SLC35F4: variants seen among roughly 807,000 people sequenced by gnomAD.
The protein encoded by SLC35F4 is chromosome 14 open reading frame 36.
A neutral mutation model predicts 44.2 loss-of-function variants in SLC35F4; 24 were observed. The ratio of observed to expected loss-of-function variants is 0.54; its 90% confidence interval spans 0.39 to 0.76. SLC35F4 has a LOEUF of 0.76. Ranked by LOEUF, SLC35F4 falls within the 30% of genes least tolerant of loss-of-function variation. The pLI is 0.00. For synonymous variants in SLC35F4, 238 were observed against 223.6 expected, an observed-to-expected ratio of 1.06 and a Z score of -0.57; for missense variants, 562 against 586.1, an observed-to-expected ratio of 0.96 and a Z score of 0.42.
intron 1 of SLC35F4, among the ~76,000 whole-genome samples, chr14:57,844,857 C>T (rs1381521752): frequency 6.6e-6 from 1 of 152,140 alleles, no homozygotes; most frequent in African/African-American, 2.4e-5. Context: ...AGATTCCAGA[C>T]ACCAACTGGA....
At chr14:57,865,241 GCGCCGGGACCCACGTC>G (rs1888040832) in intron 1 of SLC35F4, among the ~76,000 whole-genome samples, 1 of 152,106 alleles carries the variant, frequency 6.6e-6, no homozygotes, top group South Asian at 2.1e-4. Context: ...GACCCCACCA[GCGCCGGGACCCACGTC>G]TGGGTCGGCC....
At chr14:57,643,915 G>C (rs2073366356) in intron 1 of SLC35F4, among the ~76,000 whole-genome samples, 1 of 152,058 alleles carries the variant, frequency 6.6e-6, no homozygotes, top group Non-Finnish European at 1.5e-5. Context: ...ATGGTTTCCA[G>C]CTTCATCCAT....
At chr14:57,712,402 CA>C (rs1238009157) in intron 1 of SLC35F4, among the ~76,000 whole-genome samples, 1 of 152,218 alleles carries the variant, frequency 6.6e-6, no homozygotes, top group African/African-American at 2.4e-5. Context: ...TCATGATTAA[CA>C]GGGAAATATC....
intron 1 of SLC35F4, among the ~76,000 whole-genome samples, chr14:57,626,154 T>C (rs571560574): frequency 1.5e-4 from 22 of 145,340 alleles, no homozygotes; most frequent in African/African-American, 4.8e-4. Context: ...GGGGAACATC[T>C]CACACTGGGA....
intron 1 of SLC35F4, among the ~76,000 whole-genome samples, chr14:57,838,483 T>C (rs1215115995): frequency 6.6e-6 from 1 of 152,228 alleles, no homozygotes; most frequent in Non-Finnish European, 1.5e-5. Flanking sequence ...GTCAAATCAT[T>C]TTTTCCCAAA....
At chr14:57,813,552 T>A (rs1208420809) in intron 1 of SLC35F4, among the ~76,000 whole-genome samples, 1 of 152,000 alleles carries the variant, frequency 6.6e-6, no homozygotes, top group African/African-American at 2.4e-5. Flanking sequence ...TGAGACTGTC[T>A]CAAAAAAATA....
intron 1 of SLC35F4, among the ~76,000 whole-genome samples, chr14:57,637,467 G>A (rs760485908): frequency 1.4e-4 from 22 of 152,080 alleles, no homozygotes; most frequent in Non-Finnish European, 3.2e-4. Context: ...CTGGCCCTGT[G>A]GTGGCGAAGG....
Position 57,865,708 on chromosome 14 carries a change from C to T in SLC35F4, c.103+15G>A. 2.6e-6 allele frequency: 4 copies of T among 1,512,892 alleles called. No homozygotes were observed. Among genetic ancestry groups the T allele is most frequent in the Non-Finnish European group, 3.5e-6 (4 of 1,136,214 alleles). The allele number at this position is 1,512,892 out of a possible 1,614,324, so 93.7% of individuals were successfully genotyped here. A position where few individuals can be genotyped will look rare whatever the true frequency, so the allele number is the denominator to read the frequency against. Reference sequence around the variant, plus strand: ...CCTTCCCCGCCTCGCGCAGGGCAGCCGCGCGGCGTCTTACTTTTCTGGCTG... The same window carrying T: ...CCTTCCCCGCCTCGCGCAGGGCAGCTGCGCGGCGTCTTACTTTTCTGGCTG... On this transcript the variant is annotated intron_variant, in intron 1 of 7. Transcript: ENST00000556826.
chr14:57,944,212 A>G (rs1889967494), intron 1 of SLC35F4, among the ~76,000 whole-genome samples: 1 of 152,188 alleles, frequency 6.6e-6, no homozygotes, highest in African/African-American at 2.4e-5. Flanking sequence ...TTCTATTCCT[A>G]CTTATCCAAT....
At chr14:57,864,257 A>C (rs930322586) in intron 1 of SLC35F4, among the ~76,000 whole-genome samples, 1 of 152,234 alleles carries the variant, frequency 6.6e-6, no homozygotes. Flanking sequence ...TCCAGGGTTA[A>C]AAAAGAAATC....
chr14:57,801,068 C>A (rs894831309), intron 1 of SLC35F4, among the ~76,000 whole-genome samples: 1 of 152,126 alleles, frequency 6.6e-6, no homozygotes, highest in Non-Finnish European at 1.5e-5. Flanking sequence ...ACATAATCAT[C>A]AGATTCTCCA....
rs2076835740 is a variant in SLC35F4 at position 57,749,578 on chromosome 14, G to A, written c.103+116145C>T. ...AGCTTAAAAAGCACTAGGCTTTGCA[G>A]TTGAAGTTTAAAGGTGTAATAAATG... On this transcript the variant is annotated intron_variant, in intron 1 of 7. Coordinates refer to ENST00000556826, the MANE Select transcript of SLC35F4 (RefSeq NM_001306087.2). Among the ~76,000 whole-genome samples, 7 of 152,134 alleles carry A rather than the reference G, an allele frequency of 4.6e-5. No homozygotes were observed. In the South Asian group the frequency reaches 1.5e-3, roughly 32 times the overall value.
intron 1 of SLC35F4, among the ~76,000 whole-genome samples, chr14:57,794,118 C>T (rs1457914547): frequency 1.3e-5 from 2 of 151,996 alleles, no homozygotes; most frequent in Non-Finnish European, 2.9e-5. Context: ...AGAAGAAAAC[C>T]TAGGGAAAAC....
intron 3 of SLC35F4, 95 bp downstream of exon 3, chr14:57,589,121 A>G: frequency 7.2e-7 from 1 of 1,389,564 alleles, no homozygotes; most frequent in Non-Finnish European, 9.8e-7. Context: ...CACATACCCC[A>G]AAAAACTCAA....
chr14:57,743,095 C>T (rs1368903454), intron 1 of SLC35F4, among the ~76,000 whole-genome samples: 1 of 152,138 alleles, frequency 6.6e-6, no homozygotes, highest in Admixed American at 6.5e-5. Flanking sequence ...AAATTTATAG[C>T]ACTAAATGCC....
chr14:57,738,323 T>C (rs2076515545), intron 1 of SLC35F4, among the ~76,000 whole-genome samples: 1 of 152,186 alleles, frequency 6.6e-6, no homozygotes, highest in Non-Finnish European at 1.5e-5. Flanking sequence ...TCGCCAATAT[T>C]ATGACTGCTA....
At chr14:57,609,413 T>C (rs1455435755) in intron 1 of SLC35F4, among the ~76,000 whole-genome samples, 1 of 152,188 alleles carries the variant, frequency 6.6e-6, no homozygotes, top group Non-Finnish European at 1.5e-5. Flanking sequence ...TGCAAATGTT[T>C]AATCACAATC....
At chr14:57,915,705 T>C (rs1594622518) in intron 1 of SLC35F4, among the ~76,000 whole-genome samples, 2 of 152,218 alleles carry the variant, frequency 1.3e-5, no homozygotes, top group Non-Finnish European at 2.9e-5. Flanking sequence ...TTCAGTACCT[T>C]GTTCCTCATT....
At chr14:57,680,902 CA>C (rs1178788565) in intron 1 of SLC35F4, among the ~76,000 whole-genome samples, 2 of 152,092 alleles carry the variant, frequency 1.3e-5, no homozygotes, top group African/African-American at 4.8e-5. Flanking sequence ...ATTCCATGCT[CA>C]CAGATAGGAA....
Sources: gnomAD v4.1 joint callset for allele counts (sites outside exome capture counted in the v4.1 genomes callset) on GRCh38, gnomAD v4.1.1 for gene constraint, MANE v1.5 for transcripts, NCBI Gene and HGNC (gene_info 2026-07-23, HGNC 2026-07-21) for gene names.